Variants in LUZP2 observed in about 807,000 individuals in gnomAD.
LUZP2 encodes leucine zipper protein 2.
Under a neutral mutation model 51.6 loss-of-function variants are expected in LUZP2, and 52 were observed. The observed-to-expected ratio is 1.01, with a 90% CI of 0.81 to 1.27. The LOEUF (loss-of-function observed/expected upper bound fraction) is 1.27. Among genes scored for constraint, LUZP2 ranks in the 50% most tolerant of loss-of-function variants. The pLI is 0.00. For missense variants in LUZP2, 436 were observed against 395.4 expected (o/e 1.10, Z -0.87); for synonymous variants, 154 against 137.3 (o/e 1.12, Z -0.85).
At chr11:24,648,827 GT>G (rs768073319) in intron 1 of LUZP2, among the ~76,000 whole-genome samples, 5 of 151,912 alleles carry the variant, frequency 3.3e-5, no homozygotes, top group African/African-American at 4.8e-5. Flanking sequence ...TATTAGATTG[GT>G]GCAAAAGTAA....
At chr11:24,702,424 T>C (rs1638665456) in intron 1 of LUZP2, among the ~76,000 whole-genome samples, 1 of 152,234 alleles carries the variant, frequency 6.6e-6, no homozygotes. Flanking sequence ...GAGGTTTGAT[T>C]AGCTCATGGT....
chr11:24,809,667 A>T (rs1849959730), intron 5 of LUZP2, among the ~76,000 whole-genome samples: 1 of 152,112 alleles, frequency 6.6e-6, no homozygotes, highest in African/African-American at 2.4e-5. Flanking sequence ...ACCCTAATTT[A>T]AAAAAATGTT....
intron 5 of LUZP2, among the ~76,000 whole-genome samples, chr11:24,902,154 A>G (rs1228959156): frequency 6.6e-6 from 1 of 152,184 alleles, no homozygotes; most frequent in Non-Finnish European, 1.5e-5. Context: ...AATAATAGTA[A>G]TTAGGTTCAC....
At chr11:24,565,392 T>A (rs746048352) in intron 1 of LUZP2, among the ~76,000 whole-genome samples, 5 of 152,102 alleles carry the variant, frequency 3.3e-5, no homozygotes, top group Non-Finnish European at 7.4e-5. Flanking sequence ...CTACTCAACA[T>A]CCTATGAGCA....
At chr11:24,924,931 G>A (rs1448060193) in intron 7 of LUZP2, among the ~76,000 whole-genome samples, 1 of 151,988 alleles carries the variant, frequency 6.6e-6, no homozygotes, top group Non-Finnish European at 1.5e-5. Flanking sequence ...TATGTAGCAG[G>A]ATTCAGAGAG....
At chr11:24,652,795 A>G (rs1310905535) in intron 1 of LUZP2, among the ~76,000 whole-genome samples, 2 of 152,154 alleles carry the variant, frequency 1.3e-5, no homozygotes, top group Non-Finnish European at 2.9e-5. Context: ...ATGATGCTGT[A>G]TGCATTTTGA....
rs72872488 is a variant in LUZP2, at chr11:24,859,776, C to A, written c.397-46215C>A. Reference sequence around the variant, plus strand: ...ACCCCTTTCCCCCAGCCAAAGGAGGCGATGAGTGAGCCCACTATCCAGCAG... The same window carrying A: ...ACCCCTTTCCCCCAGCCAAAGGAGGAGATGAGTGAGCCCACTATCCAGCAG... On this transcript the variant is annotated intron_variant, in intron 5 of 11. Coordinates refer to ENST00000336930, the MANE Select transcript of LUZP2 (RefSeq NM_001009909.4). Among the ~76,000 whole-genome samples the A allele has an allele frequency of 3.9e-5, 6 of 152,170 alleles. No individual in the cohort carries two copies. The South Asian group carries it at 6.2e-4, about 16-fold the overall frequency.
chr11:24,766,751 A>G (rs548330149), intron 5 of LUZP2, among the ~76,000 whole-genome samples: 1 of 152,224 alleles, frequency 6.6e-6, no homozygotes, highest in East Asian at 1.9e-4. Flanking sequence ...AAAAAATTGT[A>G]TTTACACTTT....
At chr11:24,802,162 C>A (rs1849716170) in intron 5 of LUZP2, among the ~76,000 whole-genome samples, 2 of 152,028 alleles carry the variant, frequency 1.3e-5, no homozygotes, top group Admixed American at 1.3e-4. Context: ...TTTAATTAGA[C>A]TCATACAATA....
At chr11:24,904,883 A>G (rs550363025) in intron 5 of LUZP2, among the ~76,000 whole-genome samples, 1 of 152,340 alleles carries the variant, frequency 6.6e-6, no homozygotes, top group Admixed American at 6.5e-5. Flanking sequence ...TTTCACCTAT[A>G]AAGACATGCA....
intron 1 of LUZP2, among the ~76,000 whole-genome samples, chr11:24,534,380 CAT>C (rs1491124462): frequency 2.0e-5 from 3 of 150,940 alleles, no homozygotes; most frequent in African/African-American, 7.3e-5. Flanking sequence ...TAGAAGATGA[CAT>C]ATACATTTCT....
chr11:24,926,389 ACGTGTG>A lies in LUZP2; in HGVS notation c.522+11852_522+11857del. Among the ~76,000 whole-genome samples the A allele has an allele frequency of 9.8e-5, 4 of 40,682 alleles. 1 individual carries two copies. The highest frequency in any genetic ancestry group is 2.1e-3 in the East Asian group (1 of 482). The allele number at this position is 40,682 out of a possible 152,430, so 26.7% of individuals were successfully genotyped here. ...TATATATATACGTGTGTATATATAT[ACGTGTG>A]TATATATATATACGTGTGTATATAT... is the stretch of plus-strand genomic sequence containing the variant. On this transcript the variant is annotated intron_variant, in intron 7 of 11. Coordinates refer to ENST00000336930, the MANE Select transcript of LUZP2 (RefSeq NM_001009909.4).
intron 1 of LUZP2, among the ~76,000 whole-genome samples, chr11:24,587,068 T>A (rs759853726): frequency 2.8e-4 from 42 of 152,150 alleles, no homozygotes; most frequent in Non-Finnish European, 4.6e-4. Flanking sequence ...TTATTATGAC[T>A]ACTTTCCTTG....
chr11:24,501,212 A>T (rs1448843194), intron 1 of LUZP2, among the ~76,000 whole-genome samples: 1 of 152,186 alleles, frequency 6.6e-6, no homozygotes, highest in Admixed American at 6.5e-5. Flanking sequence ...GAAGATATTA[A>T]CACACAAATA....
chr11:24,505,304 G>A (rs1850114311), intron 1 of LUZP2, among the ~76,000 whole-genome samples: 1 of 152,124 alleles, frequency 6.6e-6, no homozygotes, highest in Non-Finnish European at 1.5e-5. Context: ...GGGAGGAATG[G>A]AGATGACAAG....
intron 9 of LUZP2, among the ~76,000 whole-genome samples, chr11:24,995,831 T>G (rs1856478814): frequency 6.6e-6 from 1 of 152,004 alleles, no homozygotes; most frequent in Non-Finnish European, 1.5e-5. Flanking sequence ...TGCTGTTTAC[T>G]TGTTTCCAGA....
chr11:24,573,945 T>C (rs1035232419), intron 1 of LUZP2, among the ~76,000 whole-genome samples: 1 of 151,818 alleles, frequency 6.6e-6, no homozygotes, highest in Non-Finnish European at 1.5e-5. Flanking sequence ...TTGTTACATA[T>C]GTATACATGT....
At chr11:24,979,534 T>G (rs1855969702) in intron 8 of LUZP2, among the ~76,000 whole-genome samples, 1 of 151,882 alleles carries the variant, frequency 6.6e-6, no homozygotes, top group African/African-American at 2.4e-5. Context: ...ATACGTATTA[T>G]GAAAAACTCT....
chr11:24,900,927 C>T (rs1018263249), intron 5 of LUZP2, among the ~76,000 whole-genome samples: 1 of 152,124 alleles, frequency 6.6e-6, no homozygotes, highest in African/African-American at 2.4e-5. Context: ...TTTGAAGCCT[C>T]TGCTGTTTTG....
Sources: allele counts gnomAD v4.1 joint callset (sites outside exome capture counted in the v4.1 genomes callset), GRCh38; gene constraint gnomAD v4.1.1; transcripts MANE v1.5; gene names NCBI Gene and HGNC (gene_info 2026-07-23, HGNC 2026-07-21).